TRIQK: variants seen among roughly 807,000 people sequenced by gnomAD.
The protein encoded by TRIQK is triple QxxK/R motif-containing protein.
In TRIQK, 10 loss-of-function variants were observed where a neutral mutation model predicts 10.8. That is an observed-to-expected ratio of 0.92 (90% CI 0.57 to 1.57). TRIQK has a LOEUF of 1.57. TRIQK is among the 40% of genes most tolerant of loss of function. The pLI, the probability that TRIQK is intolerant of heterozygous loss-of-function variation, is 0.00. For synonymous variants in TRIQK, 33 were observed against 33.7 expected (o/e 0.98, Z 0.07); for missense variants, 107 against 97.7 (o/e 1.09, Z -0.40).
intron 3 of TRIQK, among the ~76,000 whole-genome samples, chr8:92,907,473 A>G (rs191306593): frequency 6.6e-5 from 10 of 152,340 alleles, no homozygotes; most frequent in African/African-American, 2.2e-4. Context: ...CTCAAGGTAC[A>G]TAATCAACAG....
chr8:92,931,974 T>C (rs1810751465), intron 2 of TRIQK, among the ~76,000 whole-genome samples: 2 of 152,156 alleles, frequency 1.3e-5, no homozygotes, highest in African/African-American at 2.4e-5. Flanking sequence ...TATGAGAATA[T>C]CACAATAGTA....
intron 1 of TRIQK, chr8:92,965,375 C>G (rs1190916074): frequency 6.6e-6 from 1 of 152,314 alleles, no homozygotes; most frequent in African/African-American, 2.4e-5. Context: ...AAAAATACCC[C>G]CGCCCCACAA....
chr8:93,008,767 A>G (rs1813299068), intron 1 of TRIQK, among the ~76,000 whole-genome samples: 1 of 152,194 alleles, frequency 6.6e-6, no homozygotes, highest in Non-Finnish European at 1.5e-5. Context: ...TGCTGGAAAA[A>G]TTATACATCG....
chr8:92,975,647 T>C (rs1002537530), intron 1 of TRIQK, among the ~76,000 whole-genome samples: 4 of 152,096 alleles, frequency 2.6e-5, no homozygotes, highest in Admixed American at 6.5e-5. Flanking sequence ...TTTTTTTCTA[T>C]TGCTTTTCAG....
intron 2 of TRIQK, among the ~76,000 whole-genome samples, chr8:92,947,081 A>T (rs1811578202): frequency 6.6e-6 from 1 of 151,526 alleles, no homozygotes; most frequent in Non-Finnish European, 1.5e-5. Context: ...TTTTTTAACT[A>T]CGTGTGTCAC....
rs1228351823 is a variant in TRIQK at position 92,884,015 on chromosome 8, T to A, written c.*2607A>T. The stretch of plus-strand genomic sequence containing the variant: ...AGTATTCCATAGGCTATATTTTAAG[T>A]CTATTGCATTAGTTGAAATTTATTT... On this transcript the variant is annotated 3_prime_UTR_variant, in exon 5 of 5. Coordinates refer to ENST00000521988, the MANE Select transcript of TRIQK (RefSeq NM_001171797.2). 6.6e-6 allele frequency: 1 copy of A among 151,802 alleles called. No homozygotes were observed. The highest frequency in any genetic ancestry group is 1.5e-5 in the Non-Finnish European group (1 of 67,854). 9.4% of individuals were successfully genotyped at this position (151,802 alleles called of 1,614,324 possible).
At chr8:92,943,005 T>G (rs1391661110) in intron 2 of TRIQK, among the ~76,000 whole-genome samples, 1 of 151,680 alleles carries the variant, frequency 6.6e-6, no homozygotes, top group Non-Finnish European at 1.5e-5. Context: ...CAAAAATCAG[T>G]GGTATTTATA....
intron 1 of TRIQK, among the ~76,000 whole-genome samples, chr8:93,005,464 C>T (rs1813259133): frequency 6.6e-6 from 1 of 151,656 alleles, no homozygotes; most frequent in South Asian, 2.1e-4. Context: ...GGACACAGAG[C>T]CAAACCATAT....
intron 1 of TRIQK, among the ~76,000 whole-genome samples, chr8:92,994,306 TGC>T (rs1813128637): frequency 6.6e-6 from 1 of 152,146 alleles, no homozygotes; most frequent in Non-Finnish European, 1.5e-5. Context: ...CTTCCCTGAC[TGC>T]TCTTCTTTTA....
chr8:92,999,321 C>T (rs1288795125), intron 1 of TRIQK, among the ~76,000 whole-genome samples: 3 of 151,826 alleles, frequency 2.0e-5, no homozygotes, highest in African/African-American at 7.3e-5. Context: ...ATTGAAAACC[C>T]AACTGTTTCA....
intron 2 of TRIQK, among the ~76,000 whole-genome samples, chr8:92,944,674 T>A (rs1811429110): frequency 6.6e-6 from 1 of 152,014 alleles, no homozygotes; most frequent in South Asian, 2.1e-4. Context: ...GTCATAAAAG[T>A]AGAAGGCAGA....
At chr8:92,946,032 AC>A (rs1811514743) in intron 2 of TRIQK, among the ~76,000 whole-genome samples, 1 of 152,140 alleles carries the variant, frequency 6.6e-6, no homozygotes, top group African/African-American at 2.4e-5. Context: ...TTTAATAATA[AC>A]AAAGGCTAAG....
intron 2 of TRIQK, among the ~76,000 whole-genome samples, chr8:92,925,941 A>G (rs1188251989): frequency 6.6e-6 from 1 of 152,138 alleles, no homozygotes; most frequent in Admixed American, 6.6e-5. Flanking sequence ...AATTGGGGGC[A>G]TGGTGGCGGG....
At chr8:92,917,086 A>G (rs903646632) in intron 2 of TRIQK, 76 bp from the exon 3 acceptor site, 2 of 870,604 alleles carry the variant, frequency 2.3e-6, no homozygotes, top group South Asian at 2.9e-5. Flanking sequence ...TTTATTCTAT[A>G]AAATTCATTT....
chr8:93,008,347 T>G (rs1316580338), intron 1 of TRIQK, among the ~76,000 whole-genome samples: 1 of 152,124 alleles, frequency 6.6e-6, no homozygotes, highest in South Asian at 2.1e-4. Context: ...AGGACTCAAA[T>G]AAGTATCCAG....
upstream of TRIQK, among the ~76,000 whole-genome samples, chr8:92,968,386 T>G (rs1812838276): frequency 1.3e-5 from 2 of 152,104 alleles, no homozygotes; most frequent in Admixed American, 1.3e-4. Context: ...CACTGTCTTC[T>G]ACAATGGTTG....
At chr8:92,988,511 G>C (rs1477285865) in intron 1 of TRIQK, among the ~76,000 whole-genome samples, 1 of 152,006 alleles carries the variant, frequency 6.6e-6, no homozygotes, top group Admixed American at 6.6e-5. Context: ...TTCTACTCTC[G>C]TGCTAGAAAT....
chr8:92,990,683 C>A (rs1813086975), intron 1 of TRIQK, among the ~76,000 whole-genome samples: 1 of 152,108 alleles, frequency 6.6e-6, no homozygotes, highest in Non-Finnish European at 1.5e-5. Context: ...CAAGGAAAGC[C>A]TTGAGGGACT....
In TRIQK at chr8:92,894,875, T is replaced by C. The variant is rs80031970; in HGVS notation, c.62-2801A>G. ...TAGTAACTTTACTGAACTAATTCTA[T>C]AGAGACTGTATTCAATAGTATATGG... On this transcript the variant is annotated intron_variant, in intron 3 of 4. Coordinates refer to ENST00000521988, the MANE Select transcript of TRIQK (RefSeq NM_001171797.2). Among the ~76,000 whole-genome samples, 540 of 152,274 alleles carry C rather than the reference T, an allele frequency of 3.5e-3. 6 individuals are homozygous for C. The highest frequency in any genetic ancestry group is 0.012 in the African/African-American group (518 of 41,556).
Sources: gnomAD v4.1 joint callset for allele counts (sites outside exome capture counted in the v4.1 genomes callset) on GRCh38, gnomAD v4.1.1 for gene constraint, MANE v1.5 for transcripts, NCBI Gene and HGNC (gene_info 2026-07-23, HGNC 2026-07-21) for gene names.